Variants in ZFPM2 observed in about 807,000 individuals in gnomAD.
ZFPM2 encodes the protein zinc finger protein ZFPM2.
A neutral mutation model predicts 98.6 loss-of-function variants in ZFPM2; 20 were observed. The ratio of observed to expected loss-of-function variants is 0.20; its 90% CI spans 0.14 to 0.29. The LOEUF is 0.29. Ranked by LOEUF, ZFPM2 falls within the 10% of genes least tolerant of loss-of-function variation. The probability of loss-of-function intolerance (pLI) is 1.00; values close to 1 mark genes in which losing one functional copy is unlikely to be tolerated. For synonymous variants in ZFPM2, 518 were observed against 502.7 expected (o/e 1.03, Z -0.41); for missense variants, 1,310 against 1,388.6 (o/e 0.94, Z 0.90).
chr8:105,687,985 G>A (rs1810779864), intron 5 of ZFPM2, among the ~76,000 whole-genome samples: 1 of 151,900 alleles, frequency 6.6e-6, no homozygotes, highest in East Asian at 1.9e-4. Context: ...TGGCTAAAAG[G>A]GGTAAGTGGC....
At chr8:105,740,803 A>G (rs960966530) in intron 5 of ZFPM2, among the ~76,000 whole-genome samples, 4 of 152,006 alleles carry the variant, frequency 2.6e-5, no homozygotes, top group African/African-American at 9.7e-5. Flanking sequence ...AAACAAATCA[A>G]TGCATAAAAT....
chr8:105,350,938 C>A (rs1422640502), intron 1 of ZFPM2, among the ~76,000 whole-genome samples: 1 of 151,638 alleles, frequency 6.6e-6, no homozygotes, highest in East Asian at 1.9e-4. Flanking sequence ...ATCCTAGCAA[C>A]TTGGGAGGCT....
At chr8:105,354,287 C>A (rs1424831016) in intron 1 of ZFPM2, among the ~76,000 whole-genome samples, 1 of 152,188 alleles carries the variant, frequency 6.6e-6, no homozygotes, top group Non-Finnish European at 1.5e-5. Flanking sequence ...TGTCACTTGA[C>A]AATTTGCTTT....
At chr8:105,328,987 C>T (rs781155813) in intron 1 of ZFPM2, among the ~76,000 whole-genome samples, 1 of 151,814 alleles carries the variant, frequency 6.6e-6, no homozygotes, top group Non-Finnish European at 1.5e-5. Flanking sequence ...TAGGTAGCTG[C>T]TAAAAATATC....
chr8:105,391,464 C>T (rs1442601479), intron 1 of ZFPM2, among the ~76,000 whole-genome samples: 5 of 152,116 alleles, frequency 3.3e-5, no homozygotes, highest in Non-Finnish European at 5.9e-5. Context: ...TTGATTAAGT[C>T]TTCCAGTCAT....
At chr8:105,432,667 G>T (rs1302799164) in intron 2 of ZFPM2, among the ~76,000 whole-genome samples, 1 of 152,174 alleles carries the variant, frequency 6.6e-6, no homozygotes, top group Non-Finnish European at 1.5e-5. Context: ...AACAAGAAAT[G>T]TCTTAGCTAT....
intron 5 of ZFPM2, among the ~76,000 whole-genome samples, chr8:105,762,476 A>C (rs1327271775): frequency 6.6e-6 from 1 of 151,828 alleles, no homozygotes; most frequent in Admixed American, 6.6e-5. Context: ...TCAAACCTTC[A>C]TTTTGGTGTC....
intron 7 of ZFPM2, among the ~76,000 whole-genome samples, chr8:105,800,290 T>C (rs1456751229): frequency 6.6e-6 from 1 of 152,102 alleles, no homozygotes; most frequent in Admixed American, 6.5e-5. Flanking sequence ...CAATGGGAGC[T>C]AGAGTCAATC....
intron 5 of ZFPM2, among the ~76,000 whole-genome samples, chr8:105,715,329 G>A (rs906034014): frequency 7.3e-5 from 11 of 149,808 alleles, no homozygotes; most frequent in African/African-American, 2.7e-4. Context: ...AAGCCCAGAA[G>A]TTCAAGGTCA....
chr8:105,446,558 A>C (rs1404934457), intron 3 of ZFPM2, among the ~76,000 whole-genome samples: 1 of 152,134 alleles, frequency 6.6e-6, no homozygotes, highest in African/African-American at 2.4e-5. Context: ...AACAAGGTGA[A>C]GAATTATGCT....
At chr8:105,590,485 A>G (rs577233506) in intron 4 of ZFPM2, among the ~76,000 whole-genome samples, 2 of 152,272 alleles carry the variant, frequency 1.3e-5, no homozygotes, top group African/African-American at 2.4e-5. Context: ...TGCTGTGTTT[A>G]TTTCATTCTT....
intron 3 of ZFPM2, among the ~76,000 whole-genome samples, chr8:105,453,909 G>A (rs180826018): frequency 2.1e-4 from 32 of 152,172 alleles, no homozygotes; most frequent in Admixed American, 1.6e-3. Context: ...ATTTTAAAGC[G>A]AGTTTCAGAA....
chr8:105,623,034 G>A (rs1467080339), intron 4 of ZFPM2, among the ~76,000 whole-genome samples: 2 of 152,006 alleles, frequency 1.3e-5, no homozygotes, highest in Non-Finnish European at 2.9e-5. Context: ...TGAATTGATG[G>A]AAGAAGTTTT....
chr8:105,673,506 A>T (rs1817636286), intron 5 of ZFPM2, among the ~76,000 whole-genome samples: 1 of 152,214 alleles, frequency 6.6e-6, no homozygotes, highest in South Asian at 2.1e-4. Context: ...CTGGGAGAAC[A>T]CATTATATGC....
At position 105,428,955 on chromosome 8, in the gene ZFPM2, C is replaced by T. The variant is rs201747051; in HGVS notation, c.199+9653C>T. Among the ~76,000 whole-genome samples, 12 of 152,220 alleles carry T rather than the reference C, an allele frequency of 7.9e-5. No homozygotes were observed. The East Asian group carries it at 2.3e-3, about 29-fold the overall frequency. On this transcript the variant is annotated intron_variant, in intron 2 of 7. Transcript: ENST00000407775. ...GAACGGTTCTGAAACCTGACAGTGG[C>T]TGTATCTTACCAAGTCTTAGCACAT...
At chr8:105,567,660 A>G (rs1815268912) in intron 4 of ZFPM2, among the ~76,000 whole-genome samples, 1 of 152,148 alleles carries the variant, frequency 6.6e-6, no homozygotes, top group Non-Finnish European at 1.5e-5. Flanking sequence ...AATGAAATAA[A>G]TTTAAAAGCA....
intron 4 of ZFPM2, among the ~76,000 whole-genome samples, chr8:105,583,518 C>G (rs1271886738): frequency 6.6e-6 from 1 of 152,140 alleles, no homozygotes; most frequent in Non-Finnish European, 1.5e-5. Context: ...TTTATAATTA[C>G]TTAAATCTGT....
intron 5 of ZFPM2, among the ~76,000 whole-genome samples, chr8:105,741,835 G>A (rs1812221691): frequency 6.6e-6 from 1 of 152,124 alleles, no homozygotes. Context: ...AAGTAGGCAC[G>A]AAGTTGGAAT....
At chr8:105,525,432 TG>T (rs1215296959) in intron 3 of ZFPM2, among the ~76,000 whole-genome samples, 4 of 152,190 alleles carry the variant, frequency 2.6e-5, no homozygotes, top group Non-Finnish European at 5.9e-5. Flanking sequence ...CTGATGAATA[TG>T]TCATGATTAT....
Sources: allele counts gnomAD v4.1 joint callset (sites outside exome capture counted in the v4.1 genomes callset), GRCh38; gene constraint gnomAD v4.1.1; transcripts MANE v1.5; gene names NCBI Gene and HGNC (gene_info 2026-07-23, HGNC 2026-07-21).